FPR3: variants seen among roughly 807,000 people sequenced by gnomAD.
The protein encoded by FPR3 is formyl peptide receptor 3.
For missense variants in FPR3, 346 were observed against 443.2 expected (o/e 0.78, Z 1.97); for synonymous variants, 135 against 163.6 (o/e 0.83, Z 1.34).
At chr19:51,811,764 T>A (rs1258934811) in intron 1 of FPR3, 1 of 150,228 alleles carries the variant, frequency 6.7e-6, no homozygotes, top group Non-Finnish European at 1.5e-5. Flanking sequence ...TTGCCTCTAG[T>A]GGACAAGGAG....
intron 1 of FPR3, among the ~76,000 whole-genome samples, chr19:51,818,733 T>C (rs1368642476): frequency 1.3e-5 from 2 of 151,672 alleles, no homozygotes; most frequent in Non-Finnish European, 2.9e-5. Flanking sequence ...AATCAAGGAG[T>C]CCACCATGGG....
intron 1 of FPR3, among the ~76,000 whole-genome samples, chr19:51,810,604 A>G (rs766875746): frequency 2.0e-5 from 3 of 152,168 alleles, no homozygotes; most frequent in African/African-American, 7.2e-5. Flanking sequence ...GTCCAGCAAC[A>G]TGGTTCTGTT....
At chr19:51,818,203 T>C (rs2084157460) in intron 1 of FPR3, among the ~76,000 whole-genome samples, 1 of 152,210 alleles carries the variant, frequency 6.6e-6, no homozygotes, top group South Asian at 2.1e-4. Context: ...TAAGACTTAG[T>C]ATGAAAAAAG....
At chr19:51,820,194 C>G (rs192216978) in intron 1 of FPR3, among the ~76,000 whole-genome samples, 1 of 152,162 alleles carries the variant, frequency 6.6e-6, no homozygotes, top group African/African-American at 2.4e-5. Context: ...AGAAATCACA[C>G]GTGCTGGAGA....
intron 1 of FPR3, among the ~76,000 whole-genome samples, chr19:51,814,708 G>A (rs1302740256): frequency 6.6e-6 from 1 of 152,154 alleles, no homozygotes; most frequent in Non-Finnish European, 1.5e-5. Flanking sequence ...TGGCCAGGCT[G>A]GTCTTGAACT....
At chr19:51,805,062 T>G (rs2084049435) in intron 1 of FPR3, 1 of 152,228 alleles carries the variant, frequency 6.6e-6, no homozygotes, top group African/African-American at 2.4e-5. Context: ...AGTCGTGAGT[T>G]TGCTCACATC....
intron 1 of FPR3, among the ~76,000 whole-genome samples, chr19:51,821,439 T>C (rs73061085): frequency 0.11 from 16,163 of 152,046 alleles, 1,187 homozygotes; most frequent in Middle Eastern, 0.17. Flanking sequence ...GCCAGGGGTG[T>C]TGCTAAATAT....
In FPR3 at chr19:51,825,126, C is replaced by A. The variant is rs1185096408; in HGVS notation, c.*316C>A. ...CCAGGCTTCTGAAACTTCGGACCAA[C>A]CAGCTTCAATCAGGGTTCCCACTAC... On this transcript the variant is annotated 3_prime_UTR_variant, in exon 2 of 2. Transcript: ENST00000339223. The A allele has an allele frequency of 3.7e-6, 1 of 271,736 alleles. No homozygotes were observed. Among genetic ancestry groups the A allele is most frequent in the African/African-American group, 2.2e-5 (1 of 44,800 alleles). The allele number at this position is 271,736 out of a possible 1,614,324, so 16.8% of individuals were successfully genotyped here. A position where few individuals can be genotyped will look rare whatever the true frequency, so the allele number is the denominator to read the frequency against.
At chr19:51,809,246 A>T (rs982884403) in intron 1 of FPR3, among the ~76,000 whole-genome samples, 7 of 152,354 alleles carry the variant, frequency 4.6e-5, no homozygotes, top group Non-Finnish European at 1.0e-4. Context: ...GTCCATCTGG[A>T]CCAAGACAAG....
chr19:51,821,954 G>C (rs189045093), intron 1 of FPR3, among the ~76,000 whole-genome samples: 1 of 152,226 alleles, frequency 6.6e-6, no homozygotes, highest in African/African-American at 2.4e-5. Flanking sequence ...TAATTTTCCT[G>C]GCCATAAAAA....
chr19:51,804,323 C>T (rs2084043906), intron 1 of FPR3, among the ~76,000 whole-genome samples: 1 of 151,802 alleles, frequency 6.6e-6, no homozygotes, highest in African/African-American at 2.4e-5. Context: ...GTAATCCTAG[C>T]CCTGGAATAC....
chr19:51,823,064 T>C (rs1354843470), intron 1 of FPR3, among the ~76,000 whole-genome samples: 3 of 152,106 alleles, frequency 2.0e-5, no homozygotes, highest in Non-Finnish European at 2.9e-5. Flanking sequence ...AGTTTCACCA[T>C]GTTGGCCAGG....
chr19:51,821,273 G>A (rs534382062), intron 1 of FPR3, among the ~76,000 whole-genome samples: 6 of 152,286 alleles, frequency 3.9e-5, no homozygotes, highest in East Asian at 3.9e-4. Context: ...TAAGAGTAGC[G>A]ATCTAACTGA....
chr19:51,821,446 A>G (rs1293148748), intron 1 of FPR3, among the ~76,000 whole-genome samples: 4 of 152,168 alleles, frequency 2.6e-5, no homozygotes, highest in Non-Finnish European at 5.9e-5. Context: ...GTGTTGCTAA[A>G]TATCCTACTG....
chr19:51,798,226 G>A (rs886948833), intron 1 of FPR3, among the ~76,000 whole-genome samples: 1 of 152,060 alleles, frequency 6.6e-6, no homozygotes, highest in African/African-American at 2.4e-5. Flanking sequence ...AGGGGGAGGG[G>A]GTGGGAGGTA....
At chr19:51,798,470 T>C (rs1430395095) in intron 1 of FPR3, among the ~76,000 whole-genome samples, 1 of 152,174 alleles carries the variant, frequency 6.6e-6, no homozygotes, top group Admixed American at 6.5e-5. Flanking sequence ...AAGTGACTGA[T>C]AATGATAGGA....
intron 1 of FPR3, among the ~76,000 whole-genome samples, chr19:51,819,498 A>G (rs973957468): frequency 1.6e-5 from 1 of 61,404 alleles, no homozygotes; most frequent in Non-Finnish European, 4.1e-5. Flanking sequence ...TATGATATGG[A>G]AAAAAAATGT....
chr19:51,824,903 C>A lies in FPR3; in HGVS notation c.*93C>A, dbSNP rs2084221194. The A allele has an allele frequency of 5.3e-6, 5 of 940,994 alleles. No homozygotes were observed. 58.3% of individuals were successfully genotyped at this position (940,994 alleles called of 1,614,324 possible). A position where few individuals can be genotyped will look rare whatever the true frequency, so the allele number is the denominator to read the frequency against. On this transcript the variant is annotated 3_prime_UTR_variant, in exon 2 of 2. Coordinates refer to ENST00000339223, the MANE Select transcript of FPR3 (RefSeq NM_002030.5). This position sits in a 1 kb window ranked among gnomAD's most constrained non-coding sequence, Gnocchi z 4.7. ...GTGTTTTTCTTCCTCTTTCATACCACCACCACCACAATCATCAACATAAAG... is the reference window on the plus strand; with the variant it reads ...GTGTTTTTCTTCCTCTTTCATACCAACACCACCACAATCATCAACATAAAG...
chr19:51,806,252 T>C (rs1460931230), intron 1 of FPR3, among the ~76,000 whole-genome samples: 2 of 152,118 alleles, frequency 1.3e-5, no homozygotes, highest in Admixed American at 1.3e-4. Context: ...CAGTCTCCCA[T>C]TCCAGGGTTG....
Sources: allele counts gnomAD v4.1 joint callset (sites outside exome capture counted in the v4.1 genomes callset), GRCh38; gene constraint gnomAD v4.1.1; non-coding constraint Gnocchi (gnomAD v3.1); transcripts MANE v1.5; gene names NCBI Gene and HGNC (gene_info 2026-07-23, HGNC 2026-07-21).